FKBP9: variants seen among roughly 807,000 people sequenced by gnomAD.
The protein encoded by FKBP9 is peptidyl-prolyl cis-trans isomerase FKBP9.
A neutral mutation model predicts 55.6 loss-of-function variants in FKBP9; 27 were observed. That is an observed-to-expected ratio of 0.49 (90% CI 0.36 to 0.67). FKBP9 has a LOEUF of 0.67. FKBP9 is among the 30% of genes least tolerant of loss of function. The pLI is 0.00. For synonymous variants in FKBP9, 267 were observed against 296.5 expected (o/e 0.90, Z 1.02); for missense variants, 539 against 742.8 (o/e 0.73, Z 3.19).
chr7:32,980,508 A>G lies in FKBP9; in HGVS notation c.848A>G (p.Tyr283Cys), dbSNP rs1169123779. ...RISQSGDFLR[Y>C]HYNGTLLDGT... ...AGTCAAAGTGGGGACTTTCTCAGGT[A>G]TCATTACAATGGCACGCTTCTGGAT... Residue 283 changes from tyrosine to cysteine, a missense_variant, in exon 5 of 10, where the codon TAT (tyrosine) becomes TGT (cysteine). By Grantham distance (194) the Tyr-to-Cys change is radical. This residue lies in a region of FKBP9 where 172 missense variants were observed against 205.3 expected (regional missense o/e 0.84). Coordinates refer to ENST00000242209, the MANE Select transcript of FKBP9 (RefSeq NM_007270.5). The G allele has an allele frequency of 1.9e-5, 30 of 1,613,820 alleles. No individual in the cohort carries two copies. The highest frequency in any genetic ancestry group is 3.3e-5 in the Admixed American group (2 of 59,978).
In FKBP9 at chr7:32,980,279, T is replaced by G. The variant is rs560729696; in HGVS notation, c.704-85T>G. ...TGGCTTCAAAACCTCAAGAAATGAA[T>G]AACACCAACCCCAAGCCTGTTGAGT... On this transcript the variant is annotated intron_variant, in intron 4 of 9. Coordinates refer to ENST00000242209, the MANE Select transcript of FKBP9 (RefSeq NM_007270.5). The G allele has an allele frequency of 3.1e-4, 383 of 1,248,472 alleles. No individual in the cohort carries two copies. In the African/African-American group the frequency reaches 5.3e-3, roughly 17 times the overall value. The allele number at this position is 1,248,472 out of a possible 1,614,324, so 77.3% of individuals were successfully genotyped here.
chr7:32,991,511 T>C lies in FKBP9; in HGVS notation c.1039+2859T>C, dbSNP rs2392184. ...ATGCTGAAACTGTCTTCTTAGTGGC[T>C]TCTTCACTGCATACCACAGGGCCAG... On this transcript the variant is annotated intron_variant, in intron 6 of 9. Coordinates refer to ENST00000242209, the MANE Select transcript of FKBP9 (RefSeq NM_007270.5). Among the ~76,000 whole-genome samples, 1,283 of 152,358 alleles carry C rather than the reference T, an allele frequency of 8.4e-3. 15 individuals carry two copies. Among genetic ancestry groups the C allele is most frequent in the Non-Finnish European group, 0.013 (885 of 68,040 alleles).
chr7:32,977,890 T>C (rs1159598047), intron 4 of FKBP9, among the ~76,000 whole-genome samples: 44 of 139,330 alleles, frequency 3.2e-4, no homozygotes, highest in Admixed American at 1.1e-3. Flanking sequence ...TATGTATATA[T>C]ACACTCATAT....
intron 5 of FKBP9, among the ~76,000 whole-genome samples, chr7:32,985,564 A>G (rs897877217): frequency 6.6e-6 from 1 of 152,196 alleles, no homozygotes; most frequent in Non-Finnish European, 1.5e-5. Context: ...TTTTACAAGA[A>G]TGATAGCTTG....
chr7:32,985,245 G>A (rs1008924463), intron 5 of FKBP9, among the ~76,000 whole-genome samples: 3 of 149,718 alleles, frequency 2.0e-5, no homozygotes, highest in Admixed American at 6.7e-5. Context: ...GTACGATCTC[G>A]GCTCACTGCA....
chr7:32,962,008 A>C (rs936186553), intron 1 of FKBP9, among the ~76,000 whole-genome samples: 4 of 152,044 alleles, frequency 2.6e-5, no homozygotes, highest in African/African-American at 9.7e-5. Flanking sequence ...GAATAATCCC[A>C]AAACCATCCC....
At chr7:32,996,417 CTCTCT>C in intron 7 of FKBP9, 68 bp downstream of exon 7, 1 of 1,044,262 alleles carries the variant, frequency 9.6e-7, no homozygotes, top group Non-Finnish European at 1.4e-6. Flanking sequence ...CACCATCCTC[CTCTCT>C]TGGGTAGATG....
chr7:32,976,298 T>A, intron 3 of FKBP9, 56 bp from the exon 4 acceptor site: 2 of 1,609,338 alleles, frequency 1.2e-6, no homozygotes, highest in Middle Eastern at 1.7e-4. Context: ...TACGGAGAGA[T>A]GAGTTGGAAA....
At chr7:32,959,616 C>T (rs1783980447) in intron 1 of FKBP9, among the ~76,000 whole-genome samples, 1 of 152,168 alleles carries the variant, frequency 6.6e-6, no homozygotes, top group Admixed American at 6.5e-5. Flanking sequence ...TCCCCAACCC[C>T]AGTTAGACTG....
At chr7:32,978,174 G>A (rs867573653) in intron 4 of FKBP9, among the ~76,000 whole-genome samples, 17 of 151,424 alleles carry the variant, frequency 1.1e-4, no homozygotes, top group South Asian at 1.0e-3. Flanking sequence ...CATCCACCTC[G>A]GCCTCCCAAA....
At position 33,005,091 on chromosome 7, in the gene FKBP9, C is replaced by T. The variant is rs189282498; in HGVS notation, c.1537-84C>T. The T allele has an allele frequency of 1.5e-3, 2,378 of 1,554,186 alleles. 16 individuals carry two copies. Among genetic ancestry groups the T allele is most frequent in the African/African-American group, 0.014 (1,051 of 73,574 alleles). On this transcript the variant is annotated intron_variant, in intron 9 of 9. Coordinates refer to ENST00000242209, the MANE Select transcript of FKBP9 (RefSeq NM_007270.5). ...CCAGACTCAAGTTCCAGCCCTGTCACCCCCAGACTGCTCTGTTTCTGGCCC... is the reference window on the plus strand; with the variant it reads ...CCAGACTCAAGTTCCAGCCCTGTCATCCCCAGACTGCTCTGTTTCTGGCCC...
At chr7:32,975,151 G>T (rs755125291) in intron 2 of FKBP9, 31 bp from the exon 3 acceptor site, 4 of 1,589,532 alleles carry the variant, frequency 2.5e-6, no homozygotes, top group Non-Finnish European at 3.5e-6. Flanking sequence ...GGCAGCAACT[G>T]TGAACTCAGT....
intron 7 of FKBP9, among the ~76,000 whole-genome samples, chr7:32,998,184 A>G (rs1241040815): frequency 1.3e-5 from 2 of 152,188 alleles, no homozygotes; most frequent in Admixed American, 1.3e-4. Context: ...GCAGCAGGGA[A>G]GGGGCATGGC....
At chr7:32,997,464 C>T (rs1168026002) in intron 7 of FKBP9, among the ~76,000 whole-genome samples, 1 of 151,970 alleles carries the variant, frequency 6.6e-6, no homozygotes, top group Non-Finnish European at 1.5e-5. Flanking sequence ...TGATCCTCCC[C>T]TCTTGGCCTC....
intron 5 of FKBP9, among the ~76,000 whole-genome samples, chr7:32,983,796 A>G (rs1784527703): frequency 6.6e-6 from 1 of 152,072 alleles, no homozygotes. Flanking sequence ...TTTAATCTGA[A>G]TTTTCTATTG....
At position 32,996,704 on chromosome 7, in the gene FKBP9, TTCTC is replaced by T. The variant is rs1265947103; in HGVS notation, c.1226+359_1226+362del. On this transcript the variant is annotated intron_variant, in intron 7 of 9. Coordinates refer to ENST00000242209, the MANE Select transcript of FKBP9 (RefSeq NM_007270.5). ...TTCCTCTTCTTTCCTTTCTTTCTCTTTCTCTCTTTCTCTCTTTTTTTCCTTCCTT... is the reference window on the plus strand; with the variant it reads ...TTCCTCTTCTTTCCTTTCTTTCTCTTTCTTTCTCTCTTTTTTTCCTTCCTT... 2.1e-3 allele frequency among the ~76,000 whole-genome samples: 291 copies of T among 139,734 alleles called. 1 individual carries two copies. The highest frequency in any genetic ancestry group is 3.6e-3 in the Non-Finnish European group (232 of 64,344). 91.7% of individuals were successfully genotyped at this position (139,734 alleles called of 152,430 possible).
intron 6 of FKBP9, among the ~76,000 whole-genome samples, chr7:32,989,333 T>C (rs1784638562): frequency 6.6e-6 from 1 of 152,220 alleles, no homozygotes; most frequent in South Asian, 2.1e-4. Context: ...GTTACACAAA[T>C]CATACATGTT....
chr7:32,969,319 C>T (rs1334498653), intron 1 of FKBP9, among the ~76,000 whole-genome samples: 1 of 151,858 alleles, frequency 6.6e-6, no homozygotes, highest in African/African-American at 2.4e-5. Flanking sequence ...TGTCATGATG[C>T]TTTTCCCTTG....
At chr7:32,986,578 C>T (rs1339109265) in intron 5 of FKBP9, among the ~76,000 whole-genome samples, 1 of 152,208 alleles carries the variant, frequency 6.6e-6, no homozygotes, top group Non-Finnish European at 1.5e-5. Flanking sequence ...GTGCTGTTCT[C>T]AGTGGGTGGG....
Sources: gnomAD v4.1 joint callset for allele counts (sites outside exome capture counted in the v4.1 genomes callset) on GRCh38, gnomAD v4.1.1 for gene constraint, gnomAD v4.1.1 regional missense constraint, MANE v1.5 for transcripts, NCBI Gene and HGNC (gene_info 2026-07-23, HGNC 2026-07-21) for gene names.